The following DUSP10 variants were observed in gnomAD, a reference collection of about 807,000 sequenced individuals.
The protein encoded by DUSP10 is dual specificity protein phosphatase 10.
DUSP10 carries 14 observed loss-of-function variants against 30.8 expected under a neutral mutation model. The ratio of observed to expected loss-of-function variants is 0.46; its 90% CI spans 0.30 to 0.71. The LOEUF is 0.71. DUSP10 is among the 30% of genes least tolerant of loss of function. DUSP10 has a pLI of 0.08. For synonymous variants in DUSP10, 254 were observed against 250.4 expected (o/e 1.01, Z -0.14); for missense variants, 550 against 619.4 (o/e 0.89, Z 1.19).
At chr1:221,709,932 TAACA>T (rs1263112294) in intron 2 of DUSP10, among the ~76,000 whole-genome samples, 3 of 152,118 alleles carry the variant, frequency 2.0e-5, no homozygotes, top group Non-Finnish European at 2.9e-5. Flanking sequence ...ACATGATAAT[TAACA>T]AACAAAGCAG....
chr1:221,706,423 G>T lies in DUSP10; in HGVS notation c.855C>A (p.Asp285Glu). 6.5e-7 allele frequency: 1 copy of T among 1,538,112 alleles called. No individual in the cohort carries two copies. Among genetic ancestry groups the T allele is most frequent in the Non-Finnish European group, 8.7e-7 (1 of 1,142,940 alleles). The change falls in exon 3 of 4, where the codon GAC becomes GAA. Residue 285 changes from aspartate to glutamate, a missense_variant. Transcript: ENST00000366899. This position sits in a 1 kb window ranked among gnomAD's most constrained non-coding sequence, Gnocchi z 4.6. ...GGCACTCTTGGAGCTGGAGGGAGTT[G>T]TCACAGAGGTTTTCATGGTTCTGCT... ...SFKQNHENLC[D>E]NSLQLQECRE...
chr1:221,727,989 C>G (rs1247114449), intron 2 of DUSP10, among the ~76,000 whole-genome samples: 1 of 152,174 alleles, frequency 6.6e-6, no homozygotes, highest in Non-Finnish European at 1.5e-5. Flanking sequence ...ATGAGGGCTC[C>G]ACTCTCAAGA....
At position 221,739,427 on chromosome 1, in the gene DUSP10, G is replaced by A. The variant is rs151204291; in HGVS notation, c.318C>T (p.Ile106=). Residue 106 remains isoleucine (I), a synonymous_variant, in exon 2 of 4, where the codon ATC becomes ATT. Transcript: ENST00000366899. ...AIAAGTTTTA[I]GTSTTCPANQ... ...TAGCAGGGCAGGTGGTAGAGGTTCC[G>A]ATGGCAGTGGTGGTGGTGCCAGCGG... is the stretch of plus-strand genomic sequence containing the variant. The A allele has an allele frequency of 1.4e-5, 23 of 1,614,084 alleles. No homozygotes were observed. The highest frequency in any genetic ancestry group is 2.7e-5 in the African/African-American group (2 of 74,922).
intron 2 of DUSP10, among the ~76,000 whole-genome samples, chr1:221,718,211 A>G (rs1297017689): frequency 6.6e-6 from 1 of 152,052 alleles, no homozygotes; most frequent in East Asian, 1.9e-4. Flanking sequence ...AGTTCCATGA[A>G]CCAGCTACAT....
In DUSP10 at chr1:221,709,388, T is replaced by C. The variant is rs112906693; in HGVS notation, c.812-2922A>G. ...ACAGAATGCTCCAAATCACAGAGCATGCTTATGTGCAAAAGTATGGGTGCA... is the reference window on the plus strand; with the variant it reads ...ACAGAATGCTCCAAATCACAGAGCACGCTTATGTGCAAAAGTATGGGTGCA... On this transcript the variant is annotated intron_variant, in intron 2 of 3. Coordinates refer to ENST00000366899, the MANE Select transcript of DUSP10 (RefSeq NM_007207.6). Among the ~76,000 whole-genome samples, 1,057 of 150,584 alleles carry C rather than the reference T, an allele frequency of 7.0e-3. 15 individuals are homozygous for C. The highest frequency in any genetic ancestry group is 0.024 in the African/African-American group (977 of 40,812).
Position 221,706,719 on chromosome 1 carries a change from C to A in DUSP10, c.812-253G>T, listed in dbSNP as rs537452836. Among the ~76,000 whole-genome samples, 8 of 152,302 alleles carry A rather than the reference C, an allele frequency of 5.3e-5. No homozygotes were observed. The highest frequency in any genetic ancestry group is 1.9e-4 in the African/African-American group (8 of 41,560). On this transcript the variant is annotated intron_variant, in intron 2 of 3. Coordinates refer to ENST00000366899, the MANE Select transcript of DUSP10 (RefSeq NM_007207.6). This position sits in a 1 kb window ranked among gnomAD's most constrained non-coding sequence, Gnocchi z 4.6. The stretch of plus-strand genomic sequence containing the variant: ...ACACTTTGGAAATGTGCTCTTTCTA[C>A]AAATGAGGGCATGTTCCCCTAGCAA...
intron 2 of DUSP10, chr1:221,736,838 C>T: frequency 1.0e-6 from 1 of 985,446 alleles, no homozygotes. Context: ...TACAAATAAT[C>T]TAACCTCTAC....
At chr1:221,736,950 G>A in intron 2 of DUSP10, 1 of 985,520 alleles carries the variant, frequency 1.0e-6, no homozygotes, top group Non-Finnish European at 1.2e-6. Context: ...GAGGTCAGCA[G>A]TGTGTCCTGC....
intron 2 of DUSP10, among the ~76,000 whole-genome samples, chr1:221,729,299 G>T (rs1324904710): frequency 3.3e-5 from 5 of 152,106 alleles, no homozygotes; most frequent in Admixed American, 3.3e-4. Flanking sequence ...CCTTAGCAAT[G>T]GAATTTTTAT....
intron 2 of DUSP10, among the ~76,000 whole-genome samples, chr1:221,731,194 G>A (rs1444503754): frequency 6.6e-6 from 1 of 152,124 alleles, no homozygotes; most frequent in African/African-American, 2.4e-5. Flanking sequence ...AAATAACGCA[G>A]GCTTCGTAAT....
intron 2 of DUSP10, among the ~76,000 whole-genome samples, chr1:221,729,164 C>T (rs1661506754): frequency 6.6e-6 from 1 of 152,202 alleles, no homozygotes; most frequent in African/African-American, 2.4e-5. Context: ...GTTTGTTTTG[C>T]TCAAATTTTT....
intron 1 of DUSP10, among the ~76,000 whole-genome samples, chr1:221,740,848 A>G (rs1428700771): frequency 2.0e-5 from 3 of 152,222 alleles, no homozygotes; most frequent in African/African-American, 7.2e-5. Flanking sequence ...GCAAAAAGAC[A>G]GCTCCTTCCT....
At chr1:221,733,185 G>T (rs532894566) in intron 2 of DUSP10, among the ~76,000 whole-genome samples, 4 of 152,336 alleles carry the variant, frequency 2.6e-5, no homozygotes, top group South Asian at 4.1e-4. Context: ...GTCCCTGAGG[G>T]TGTATGCACC....
chr1:221,739,321 T>TA lies in DUSP10; in HGVS notation c.423_424insT (p.Lys142Ter). ...ATTATTTTGATGCTGGCTAGCTGCT[T>TA]GGGGGTCCCTGACACAGGGCTGCCC... On this transcript the variant is annotated frameshift_variant, in exon 2 of 4. Coordinates refer to ENST00000366899, the MANE Select transcript of DUSP10 (RefSeq NM_007207.6). LOFTEE classifies it high-confidence loss of function. 1 of 1,614,072 alleles carries TA rather than the reference T, an allele frequency of 6.2e-7. No homozygotes were observed.
Position 221,702,396 on chromosome 1 carries a change from T to C in DUSP10, c.*16A>G. On this transcript the variant is annotated 3_prime_UTR_variant, in exon 4 of 4. Coordinates refer to ENST00000366899, the MANE Select transcript of DUSP10 (RefSeq NM_007207.6). The surrounding 1 kb of genome is among the most constrained non-coding windows in gnomAD (Gnocchi z 4.5). The stretch of plus-strand genomic sequence containing the variant: ...CTCCTAATGGAGAGCAGCAATCCTT[T>C]CCATCCAGACCATTGTCACACAACC... 6.2e-7 allele frequency: 1 copy of C among 1,612,086 alleles called. No homozygotes were observed. The highest frequency in any genetic ancestry group is 8.5e-7 in the Non-Finnish European group (1 of 1,178,968).
At chr1:221,722,813 C>T (rs1408273082) in intron 2 of DUSP10, among the ~76,000 whole-genome samples, 1 of 152,108 alleles carries the variant, frequency 6.6e-6, no homozygotes, top group African/African-American at 2.4e-5. Flanking sequence ...AGACAAGAGG[C>T]AGTGTCTATT....
At chr1:221,713,399 G>A (rs1347592862) in intron 2 of DUSP10, among the ~76,000 whole-genome samples, 1 of 151,808 alleles carries the variant, frequency 6.6e-6, no homozygotes, top group Non-Finnish European at 1.5e-5. Context: ...ATTTTCAGAA[G>A]CCTTGAAAAA....
Position 221,701,564 on chromosome 1 carries a change from G to T in DUSP10, c.*848C>A, listed in dbSNP as rs1206193457. 2.1e-5 allele frequency: 3 copies of T among 142,488 alleles called. No individual in the cohort carries two copies. The highest frequency in any genetic ancestry group is 7.0e-5 in the Admixed American group (1 of 14,234). 8.8% of individuals were successfully genotyped at this position (142,488 alleles called of 1,614,324 possible). On this transcript the variant is annotated 3_prime_UTR_variant, in exon 4 of 4. Coordinates refer to ENST00000366899, the MANE Select transcript of DUSP10 (RefSeq NM_007207.6). ...ATATACATATGTAACAAGGTTTATG[G>T]CACTGTAACCAGAATCAAATCAGAA...
At chr1:221,740,550 G>A (rs890475837) in intron 1 of DUSP10, among the ~76,000 whole-genome samples, 2 of 152,038 alleles carry the variant, frequency 1.3e-5, no homozygotes, top group Admixed American at 6.5e-5. Flanking sequence ...CCCCAGCCCC[G>A]GCAAATCCCT....
Sources: gnomAD v4.1 joint callset for allele counts (sites outside exome capture counted in the v4.1 genomes callset) on GRCh38, gnomAD v4.1.1 for gene constraint, Gnocchi (gnomAD v3.1) non-coding constraint, MANE v1.5 for transcripts, NCBI Gene and HGNC (gene_info 2026-07-23, HGNC 2026-07-21) for gene names.